GABRA4: variants seen among roughly 807,000 people sequenced by gnomAD.
GABRA4 encodes gamma-aminobutyric acid type A receptor subunit alpha4.
GABRA4 carries 12 observed loss-of-function variants against 49.7 expected under a neutral mutation model. That is an observed-to-expected ratio of 0.24 (90% CI 0.15 to 0.39). The LOEUF is 0.39. Among genes scored for constraint, GABRA4 ranks in the 10% least tolerant of loss-of-function variants. GABRA4 has a pLI of 1.00. For missense variants in GABRA4, 506 were observed against 686.0 expected (o/e 0.74, Z 2.93); for synonymous variants, 288 against 240.2 (o/e 1.20, Z -1.84).
At chr4:46,983,018 C>T (rs1446412742) in intron 2 of GABRA4, among the ~76,000 whole-genome samples, 8 of 152,000 alleles carry the variant, frequency 5.3e-5, no homozygotes, top group African/African-American at 1.7e-4. Context: ...TTAGGTTCTT[C>T]CCATATACTA....
rs1330218601 is a variant in GABRA4 at position 46,971,184 on chromosome 4, T to C, written c.773A>G (p.Tyr258Cys). 1 of 1,609,430 alleles carries C rather than the reference T, an allele frequency of 6.2e-7. No homozygotes were observed. ...VYFHLRRKMG[Y>C]FMIQTYIPCI... ...CGGAATATAGGTCTGAATCATAAAATAACCCATCTTCCGTCTGAGGTGGAA... is the reference window on the plus strand; with the variant it reads ...CGGAATATAGGTCTGAATCATAAAACAACCCATCTTCCGTCTGAGGTGGAA... Residue 258 changes from tyrosine (Y) to cysteine (C), a missense_variant, in exon 7 of 9, where the codon TAT becomes TGT. Tyr to Cys is a radical substitution (Grantham distance 194). Coordinates refer to ENST00000264318, the MANE Select transcript of GABRA4 (RefSeq NM_000809.4).
chr4:46,970,273 A>C (rs560295448), intron 7 of GABRA4, among the ~76,000 whole-genome samples: 1 of 151,428 alleles, frequency 6.6e-6, no homozygotes, highest in African/African-American at 2.4e-5. Flanking sequence ...AGGAATTGGC[A>C]CTCTTGTGAG....
chr4:46,958,557 G>A lies in GABRA4; in HGVS notation c.1134+6413C>T, dbSNP rs144716040. 2.3e-3 allele frequency among the ~76,000 whole-genome samples: 355 copies of A among 151,970 alleles called. 2 individuals carry two copies. The highest frequency in any genetic ancestry group is 3.9e-3 in the Non-Finnish European group (267 of 67,894). On this transcript the variant is annotated intron_variant, in intron 8 of 8. Coordinates refer to ENST00000264318, the MANE Select transcript of GABRA4 (RefSeq NM_000809.4). The stretch of plus-strand genomic sequence containing the variant: ...ACTCTAAGAAATGAGAATGTGAAAG[G>A]AAAGAACCACAAGAATGAGACTCAA...
At chr4:46,991,023 T>A (rs1723722358) in intron 2 of GABRA4, among the ~76,000 whole-genome samples, 1 of 151,884 alleles carries the variant, frequency 6.6e-6, no homozygotes, top group Non-Finnish European at 1.5e-5. Context: ...TACCAAAAAA[T>A]ATATTTAAAA....
At position 46,926,963 on chromosome 4, in the gene GABRA4, G is replaced by A. The variant is rs1721253007; in HGVS notation, c.*1262C>T. The A allele has an allele frequency of 6.6e-6, 1 of 151,676 alleles. No individual in the cohort carries two copies. Among genetic ancestry groups the A allele is most frequent in the African/African-American group, 2.4e-5 (1 of 41,320 alleles). The allele number at this position is 151,676 out of a possible 1,614,324, so 9.4% of individuals were successfully genotyped here. On this transcript the variant is annotated 3_prime_UTR_variant, in exon 9 of 9. Transcript: ENST00000264318. ...AAACTCCCAAAAAAACCAACATGAT[G>A]ACTGCCCAGAATTACAGAACTACGG...
chr4:46,993,579 T>A lies in GABRA4; in HGVS notation c.-155A>T. 1 of 719,018 alleles carries A rather than the reference T, an allele frequency of 1.4e-6. No individual in the cohort carries two copies. Among genetic ancestry groups the A allele is most frequent in the Non-Finnish European group, 2.4e-6 (1 of 420,442 alleles). The allele number at this position is 719,018 out of a possible 1,614,324, so 44.5% of individuals were successfully genotyped here. ...CAGCCAGCCCGAGCCGCGGTGGGCG[T>A]GTGTGTGCACGGGGCCAGGGGAGGC... is the stretch of plus-strand genomic sequence containing the variant. On this transcript the variant is annotated 5_prime_UTR_variant, in exon 1 of 9. Transcript: ENST00000264318.
In GABRA4 at chr4:46,950,716, A is replaced by AAAATAAATAAATAAATAAATAAATAAAT. The variant is rs57199994; in HGVS notation, c.1134+14226_1134+14253dup. ...TTTTAAGCTAATGATATTCTCTAAG[A>AAAATAAATAAATAAATAAATAAATAAAT]AAATAAATAAATAAATAAATAAATA... On this transcript the variant is annotated intron_variant, in intron 8 of 8. Transcript: ENST00000264318. 9.4e-3 allele frequency among the ~76,000 whole-genome samples: 1,319 copies of AAAATAAATAAATAAATAAATAAATAAAT among 140,284 alleles called. 16 individuals are homozygous for AAAATAAATAAATAAATAAATAAATAAAT. The highest frequency in any genetic ancestry group is 0.014 in the Non-Finnish European group (882 of 64,742). 92.0% of individuals were successfully genotyped at this position (140,284 alleles called of 152,430 possible).
At chr4:46,944,231 T>C (rs1721909213) in intron 8 of GABRA4, among the ~76,000 whole-genome samples, 2 of 152,162 alleles carry the variant, frequency 1.3e-5, no homozygotes, top group South Asian at 4.1e-4. Flanking sequence ...CAAAACATGA[T>C]GCTGCACACC....
At chr4:46,976,198 G>A (rs549934498) in intron 5 of GABRA4, among the ~76,000 whole-genome samples, 2 of 151,396 alleles carry the variant, frequency 1.3e-5, no homozygotes, top group East Asian at 3.9e-4. Context: ...TCATCCTGTT[G>A]CCTTCATTTC....
chr4:46,961,535 G>A (rs1722573488), intron 8 of GABRA4, among the ~76,000 whole-genome samples: 1 of 151,846 alleles, frequency 6.6e-6, no homozygotes, highest in African/African-American at 2.4e-5. Context: ...TCGGCTCACA[G>A]ATTCTAAACA....
intron 2 of GABRA4, among the ~76,000 whole-genome samples, chr4:46,990,788 G>C (rs1279817546): frequency 2.0e-5 from 3 of 152,150 alleles, no homozygotes; most frequent in African/African-American, 7.2e-5. Flanking sequence ...TTTCAGATTT[G>C]CATGAAGGCA....
At chr4:46,945,361 G>A (rs1448833658) in intron 8 of GABRA4, among the ~76,000 whole-genome samples, 1 of 152,094 alleles carries the variant, frequency 6.6e-6, no homozygotes, top group East Asian at 1.9e-4. Flanking sequence ...AGGCTACACA[G>A]GAAAGGCATG....
chr4:46,974,326 C>G lies in GABRA4; in HGVS notation c.627G>C (p.Glu209Asp). 6.2e-7 allele frequency: 1 copy of G among 1,611,732 alleles called. No individual in the cohort carries two copies. Among genetic ancestry groups the G allele is most frequent in the Non-Finnish European group, 8.5e-7 (1 of 1,178,504 alleles). Residue 209 changes from glutamate (E) to aspartate (D), a missense_variant, in exon 6 of 9, where the codon GAG (glutamate) becomes GAC (aspartate). By Grantham distance (45) the Glu-to-Asp change is conservative. Transcript: ENST00000264318. ...EMIYTWTKGPEKSVEVPKESS... is the reference protein window; with the variant it reads ...EMIYTWTKGPDKSVEVPKESS... ...ACTCCTTCGGAACTTCAACTGATTT[C>G]TCAGGACCTTTTGTCCAGGTATAGA...
chr4:46,950,958 GC>G (rs1007201810), intron 8 of GABRA4, among the ~76,000 whole-genome samples: 1 of 151,788 alleles, frequency 6.6e-6, no homozygotes, highest in Non-Finnish European at 1.5e-5. Flanking sequence ...CTATACTGGG[GC>G]CCCAGGTATC....
At chr4:46,943,811 A>G (rs923441137) in intron 8 of GABRA4, among the ~76,000 whole-genome samples, 54 of 152,160 alleles carry the variant, frequency 3.5e-4, no homozygotes, top group Non-Finnish European at 6.8e-4. Flanking sequence ...TTATTTATAT[A>G]TTTTTAATGT....
In GABRA4 at chr4:46,925,701, G is replaced by A. The variant is rs551515697; in HGVS notation, c.*2524C>T. On this transcript the variant is annotated 3_prime_UTR_variant, in exon 9 of 9. Transcript: ENST00000264318. ...ATGAATTTGATGAAATTCAGTTAAGGAAAGCAAACAACATATTATTATTAT... is the reference window on the plus strand; with the variant it reads ...ATGAATTTGATGAAATTCAGTTAAGAAAAGCAAACAACATATTATTATTAT... The A allele has an allele frequency of 1.4e-5, 2 of 146,088 alleles. No homozygotes were observed. The highest frequency in any genetic ancestry group is 5.0e-5 in the African/African-American group (2 of 40,104). 9.0% of individuals were successfully genotyped at this position (146,088 alleles called of 1,614,324 possible).
rs552944957 is a variant in GABRA4 at position 46,932,714 on chromosome 4, G to A, written c.1135-3959C>T. Among the ~76,000 whole-genome samples the A allele has an allele frequency of 2.6e-5, 4 of 152,152 alleles. No homozygotes were observed. The South Asian group carries it at 6.2e-4, about 24-fold the overall frequency. On this transcript the variant is annotated intron_variant, in intron 8 of 8. Coordinates refer to ENST00000264318, the MANE Select transcript of GABRA4 (RefSeq NM_000809.4). ...GATCATGAAAGGTTATGGTTTTATT[G>A]CCTTGTCAGACATTAAGCACTTCTG...
chr4:46,969,232 C>T lies in GABRA4; in HGVS notation c.874+1851G>A, dbSNP rs1052674181. On this transcript the variant is annotated intron_variant, in intron 7 of 8. Transcript: ENST00000264318. ...GGCACCTATGATGGATCGTTAATTG[C>T]TGTTCTACACACTCTTTAGGATCAT... 4.6e-5 allele frequency among the ~76,000 whole-genome samples: 7 copies of T among 151,438 alleles called. No homozygotes were observed. In the South Asian group the frequency reaches 1.2e-3, roughly 27 times the overall value.
At chr4:46,959,912 T>C (rs1722512862) in intron 8 of GABRA4, among the ~76,000 whole-genome samples, 1 of 150,504 alleles carries the variant, frequency 6.6e-6, no homozygotes, top group African/African-American at 2.4e-5. Context: ...AATCCTGGCA[T>C]TGAGGAGTGT....
Sources: allele counts gnomAD v4.1 joint callset (sites outside exome capture counted in the v4.1 genomes callset), GRCh38; gene constraint gnomAD v4.1.1; transcripts MANE v1.5; gene names NCBI Gene and HGNC (gene_info 2026-07-23, HGNC 2026-07-21).